The following SUN2 variants were observed in gnomAD, a reference collection of about 807,000 sequenced individuals.
SUN2 encodes the protein SUN domain-containing protein 2.
Under a neutral mutation model 100.0 loss-of-function variants are expected in SUN2, and 60 were observed. That is an observed-to-expected ratio of 0.60 (90% CI 0.49 to 0.74). The LOEUF (loss-of-function observed/expected upper bound fraction) is 0.74. Among genes scored for constraint, SUN2 ranks in the 30% least tolerant of loss-of-function variants. SUN2 has a pLI of 0.00. For missense variants in SUN2, 834 were observed against 954.6 expected, an observed-to-expected ratio of 0.87 and a Z score of 1.66; for synonymous variants, 367 against 403.3, an observed-to-expected ratio of 0.91 and a Z score of 1.08.
At chr22:38,742,682 C>A (rs1569298927) in intron 8 of SUN2, 127 bp from the exon 9 acceptor site, 1 of 1,270,648 alleles carries the variant, frequency 7.9e-7, no homozygotes, top group East Asian at 2.6e-5. Context: ...AGCATAAGGC[C>A]ATGCAGGGCC....
At position 38,748,735 on chromosome 22, in the gene SUN2, G is replaced by C. The variant is rs2092922468; in HGVS notation, c.663C>G (p.Leu221=). Residue 221 remains leucine (L), a synonymous_variant, in exon 7 of 18, where the codon CTC becomes CTG. Transcript: ENST00000689035. ...KTFLWFLLPL[L]LLTCLTYGAW... is the part of the protein sequence containing the mutation. ...CACCATACGTCAGGCACGTCAGCAA[G>C]AGCAGCGGCAGCAGGAACCAGAGGA... 6.2e-7 allele frequency: 1 copy of C among 1,614,126 alleles called. No individual in the cohort carries two copies. Among genetic ancestry groups the C allele is most frequent in the African/African-American group, 1.3e-5 (1 of 74,948 alleles).
Position 38,740,014 on chromosome 22 carries a change from G to T in SUN2, c.1357-71C>A. On this transcript the variant is annotated intron_variant, in intron 12 of 17. Transcript: ENST00000689035. This position sits in a 1 kb window ranked among gnomAD's most constrained non-coding sequence, Gnocchi z 4.8. ...AGCAGGAGCTGCTATGACAGGGCTA[G>T]TGCTTAGCTGGATAGCAGGGATAGG... The T allele has an allele frequency of 6.6e-7, 1 of 1,520,486 alleles. No homozygotes were observed. The highest frequency in any genetic ancestry group is 1.2e-5 in the South Asian group (1 of 86,050). The allele number at this position is 1,520,486 out of a possible 1,614,324, so 94.2% of individuals were successfully genotyped here.
chr22:38,739,927 G>A lies in SUN2; in HGVS notation c.1373C>T (p.Pro458Leu), dbSNP rs781480505. 30 of 1,611,344 alleles carry A rather than the reference G, an allele frequency of 1.9e-5. No individual in the cohort carries two copies. Among genetic ancestry groups the A allele is most frequent in the Admixed American group, 1.0e-4 (6 of 59,998 alleles). ...AVRDDVESQF[P>L]AWISQFLARG... ...GGCAAGGAACTGACTGATCCAGGCCGGGAACTGAGATTCCACCTATAGGAA... is the reference window on the plus strand; with the variant it reads ...GGCAAGGAACTGACTGATCCAGGCCAGGAACTGAGATTCCACCTATAGGAA... Residue 458 changes from proline to leucine, a missense_variant, in exon 13 of 18, where the codon CCG (proline) becomes CTG (leucine). By Grantham distance (98) the Pro-to-Leu change is moderately conservative. Around this residue, in one of 3 missense-constraint regions of SUN2, gnomAD observed 195 missense variants for 280.2 expected, o/e 0.70. Coordinates refer to ENST00000689035, the MANE Select transcript of SUN2 (RefSeq NM_015374.3). This position sits in a 1 kb window ranked among gnomAD's most constrained non-coding sequence, Gnocchi z 6.7.
In SUN2 at chr22:38,735,195, C is replaced by G. The variant is rs1470970852; in HGVS notation, c.*1072G>C. ...CCAGGGTAACTTCTGCCAGCCTCTT[C>G]CCCCAGCCCCCACCAACTGCCCCAC... On this transcript the variant is annotated 3_prime_UTR_variant, in exon 18 of 18. Transcript: ENST00000689035. 2.2e-6 allele frequency: 1 copy of G among 449,572 alleles called. No individual in the cohort carries two copies. The highest frequency in any genetic ancestry group is 4.5e-6 in the Non-Finnish European group (1 of 224,590). 27.8% of individuals were successfully genotyped at this position (449,572 alleles called of 1,614,324 possible). A position where few individuals can be genotyped will look rare whatever the true frequency, so the allele number is the denominator to read the frequency against.
rs1472034032 is a variant in SUN2 at position 38,755,527 on chromosome 22, C to G, written c.-38+236G>C. 2.6e-5 allele frequency: 26 copies of G among 983,282 alleles called. No individual in the cohort carries two copies. Among genetic ancestry groups the G allele is most frequent in the Non-Finnish European group, 3.0e-5 (25 of 827,754 alleles). 60.9% of individuals were successfully genotyped at this position (983,282 alleles called of 1,614,324 possible). ...CCTCCCGGGAGGCTGCCCGGGAAGT[C>G]CCGCCCGCAGACACCGCCCTCCCGG... On this transcript the variant is annotated intron_variant, in intron 1 of 17. Transcript: ENST00000689035. This position sits in a 1 kb window ranked among gnomAD's most constrained non-coding sequence, Gnocchi z 5.7.
chr22:38,748,603 A>T, intron 7 of SUN2, 110 bp downstream of exon 7: 1 of 1,236,422 alleles, frequency 8.1e-7, no homozygotes, highest in Non-Finnish European at 1.2e-6. Context: ...GGCCCTGCCC[A>T]GTCACAGGCA....
At position 38,745,773 on chromosome 22, in the gene SUN2, G is replaced by A. The variant is rs200980012; in HGVS notation, c.724C>T (p.His242Tyr). 4 of 1,614,082 alleles carry A rather than the reference G, an allele frequency of 2.5e-6. No individual in the cohort carries two copies. In the Admixed American group the frequency reaches 5.0e-5, roughly 20 times the overall value. The change falls in exon 8 of 18, where the codon CAC (histidine) becomes TAC (tyrosine). Residue 242 changes from histidine (H) to tyrosine (Y), a missense_variant. This residue lies in a region of SUN2 where 559 missense variants were observed against 597.7 expected (regional missense o/e 0.94). Coordinates refer to ENST00000689035, the MANE Select transcript of SUN2 (RefSeq NM_015374.3). ...GCCCACCAGGAAACCAAAGCAGGGT[G>A]GAATGTCTGCAGCCCATAGGGGTAG... The part of the protein sequence containing the change: ...YFYPYGLQTF[H>Y]PALVSWWAAK...
rs764448125 is a variant in SUN2, at chr22:38,748,698, C to T, written c.685+15G>A. ...CATCTCTGTGCCTCCCTCTGCTCTC[C>T]CCATGCAGGCTCACCATACGTCAGG... On this transcript the variant is annotated intron_variant, in intron 7 of 17. Transcript: ENST00000689035. 1 of 1,614,178 alleles carries T rather than the reference C, an allele frequency of 6.2e-7. No individual in the cohort carries two copies. The highest frequency in any genetic ancestry group is 1.1e-5 in the South Asian group (1 of 91,090).
intron 7 of SUN2, among the ~76,000 whole-genome samples, chr22:38,747,817 C>T (rs2092915698): frequency 1.3e-5 from 2 of 152,068 alleles, no homozygotes. Flanking sequence ...GTGCTGCATG[C>T]CTGTAATCCC....
At position 38,737,708 on chromosome 22, in the gene SUN2, GC is replaced by G. The variant is rs2092818390; in HGVS notation, c.2040+464del. On this transcript the variant is annotated intron_variant, in intron 17 of 17. Transcript: ENST00000689035. This position sits in a 1 kb window ranked among gnomAD's most constrained non-coding sequence, Gnocchi z 4.1. ...AAATGCAGGCTCCTGGGTCCTGTCA[GC>G]CCTAAGGAACCAGACTCTCCTGGGG... 5 of 359,856 alleles carry G rather than the reference GC, an allele frequency of 1.4e-5. No homozygotes were observed. Among genetic ancestry groups the G allele is most frequent in the South Asian group, 1.0e-4 (5 of 48,360 alleles). The allele number at this position is 359,856 out of a possible 1,614,324, so 22.3% of individuals were successfully genotyped here. A position where few individuals can be genotyped will look rare whatever the true frequency, so the allele number is the denominator to read the frequency against.
chr22:38,741,699 C>T (rs1388474995), intron 9 of SUN2, 128 bp from the exon 10 acceptor site: 1 of 800,388 alleles, frequency 1.2e-6, no homozygotes, highest in African/African-American at 1.7e-5. Context: ...TCTCAGCCTT[C>T]TCTGAACCAC....
rs777207740 is a variant in SUN2, at chr22:38,735,349, C to T, written c.*918G>A. 32 of 412,312 alleles carry T rather than the reference C, an allele frequency of 7.8e-5. No individual in the cohort carries two copies. The highest frequency in any genetic ancestry group is 3.5e-4 in the African/African-American group (17 of 47,944). The allele number at this position is 412,312 out of a possible 1,614,324, so 25.5% of individuals were successfully genotyped here. ...GCCGGTGCAGACAGACCTCGCACCC[C>T]GATACCCTGAACGTCCCCACAAGAG... is the stretch of plus-strand genomic sequence containing the variant. On this transcript the variant is annotated 3_prime_UTR_variant, in exon 18 of 18. Coordinates refer to ENST00000689035, the MANE Select transcript of SUN2 (RefSeq NM_015374.3).
chr22:38,745,593 C>T (rs748959539), intron 8 of SUN2, 91 bp downstream of exon 8: 32 of 1,518,484 alleles, frequency 2.1e-5, no homozygotes, highest in Middle Eastern at 1.7e-4. Context: ...TTTGTGTGTA[C>T]GGTGTGAGGC....
Position 38,740,997 on chromosome 22 carries a change from C to A in SUN2, c.1190+10G>T. 6.3e-7 allele frequency: 1 copy of A among 1,588,336 alleles called. No individual in the cohort carries two copies. The highest frequency in any genetic ancestry group is 2.3e-5 in the East Asian group (1 of 43,668). On this transcript the variant is annotated intron_variant, in intron 11 of 17. Transcript: ENST00000689035. The surrounding 1 kb of genome is among the most constrained non-coding windows in gnomAD (Gnocchi z 4.8). Reference sequence around the variant, plus strand: ...GGAGCAGGCCGAGGCCAGCTGGTGGCGCCCAGTACCTTTGCCACTCTGACT... The same window carrying A: ...GGAGCAGGCCGAGGCCAGCTGGTGGAGCCCAGTACCTTTGCCACTCTGACT...
rs146770286 is a variant in SUN2 at position 38,739,776 on chromosome 22, C to T, written c.1524G>A (p.Ala508=). Residue 508 remains alanine, a synonymous_variant, in exon 13 of 18, where the codon GCG becomes GCA. Transcript: ENST00000689035. The surrounding 1 kb of genome is among the most constrained non-coding windows in gnomAD (Gnocchi z 6.7). ...TCTGCAGCGTCAGGCTCAGGGAGGCCGCGGCTTCCCTGGCCGACTTGCCCT... is the reference window on the plus strand; with the variant it reads ...TCTGCAGCGTCAGGCTCAGGGAGGCTGCGGCTTCCCTGGCCGACTTGCCCT... ...EMQGKSAREA[A]ASLSLTLQKE... 358 of 1,613,648 alleles carry T rather than the reference C, an allele frequency of 2.2e-4. No individual in the cohort carries two copies. In the African/African-American group the frequency reaches 4.1e-3, roughly 18 times the overall value.
rs1062687 is a variant in SUN2, at chr22:38,738,710, T to C, written c.1824A>G (p.Gln608=). The change falls in exon 16 of 18, where the codon CAA becomes CAG. Residue 608 remains glutamine, a synonymous_variant. Coordinates refer to ENST00000689035, the MANE Select transcript of SUN2 (RefSeq NM_015374.3). The surrounding 1 kb of genome is among the most constrained non-coding windows in gnomAD (Gnocchi z 6.6). ...CAGAGAGGCGGACCACGGCGAAGCC[T>C]TGTGGCCCCTGGAAGGCCCAGCAGT... ...PGNCWAFQGP[Q]GFAVVRLSAR... is the part of the protein sequence containing the mutation. 0.31 allele frequency: 501,725 copies of C among 1,613,404 alleles called. 81,310 individuals are homozygous for C. Among genetic ancestry groups the C allele is most frequent in the African/African-American group, 0.51 (38,504 of 74,976 alleles).
At position 38,752,598 on chromosome 22, in the gene SUN2, A is replaced by G. The variant is rs771840984; in HGVS notation, c.31T>C (p.Tyr11His). Residue 11 changes from tyrosine (Y) to histidine (H), a missense_variant, in exon 2 of 18, where the codon TAC becomes CAC. By Grantham distance (83) the Tyr-to-His change is moderately conservative. This residue lies in a region of SUN2 where 559 missense variants were observed against 597.7 expected (regional missense o/e 0.94). Transcript: ENST00000689035. Reference protein sequence around the residue: MSRRSQRLTRYSQGDDDGSSS... With the variant: MSRRSQRLTRHSQGDDDGSSS... ...CTGCCGTCATCGTCACCCTGGGAGT[A>G]GCGCGTGAGGCGCTGGCTTCTTCGG... The G allele has an allele frequency of 1.0e-4, 166 of 1,613,876 alleles. No individual in the cohort carries two copies. The highest frequency in any genetic ancestry group is 1.2e-4 in the Non-Finnish European group (147 of 1,179,998).
chr22:38,751,036 C>G lies in SUN2; in HGVS notation c.287-1G>C. On this transcript the variant is annotated splice_acceptor_variant, in intron 3 of 17. Coordinates refer to ENST00000689035, the MANE Select transcript of SUN2 (RefSeq NM_015374.3). LOFTEE classifies it high-confidence loss of function. ...CTCCTCCGCACCCGCAGGTCCTCAC[C>G]TGTGCAGGGAAGAACCAGGGGCTCT... The G allele has an allele frequency of 6.2e-7, 1 of 1,612,816 alleles. No individual in the cohort carries two copies. Among genetic ancestry groups the G allele is most frequent in the Non-Finnish European group, 8.5e-7 (1 of 1,179,474 alleles).
Position 38,738,810 on chromosome 22 carries a change from C to A in SUN2, c.1780-56G>T. The A allele has an allele frequency of 6.2e-7, 1 of 1,600,294 alleles. No homozygotes were observed. Among genetic ancestry groups the A allele is most frequent in the African/African-American group, 1.3e-5 (1 of 74,810 alleles). On this transcript the variant is annotated intron_variant, in intron 15 of 17. Transcript: ENST00000689035. This position sits in a 1 kb window ranked among gnomAD's most constrained non-coding sequence, Gnocchi z 6.6. ...GGCCCTGAGTCCAGCTCTTGCTGAC[C>A]CCAGATGGGACCAGCCCTCAGTGTG... is the stretch of plus-strand genomic sequence containing the variant.
Sources: gnomAD v4.1 joint callset for allele counts (sites outside exome capture counted in the v4.1 genomes callset) on GRCh38, gnomAD v4.1.1 for gene constraint, gnomAD v4.1.1 regional missense constraint, Gnocchi (gnomAD v3.1) non-coding constraint, MANE v1.5 for transcripts, NCBI Gene and HGNC (gene_info 2026-07-23, HGNC 2026-07-21) for gene names.